The following DHRSX variants were observed in gnomAD, a reference collection of about 807,000 sequenced individuals.
DHRSX encodes the protein polyprenol dehydrogenase.
A neutral mutation model predicts 34.0 loss-of-function variants in DHRSX; 31 were observed. The ratio of observed to expected loss-of-function variants is 0.91; its 90% CI spans 0.69 to 1.23. DHRSX has a LOEUF of 1.23. Ranked by LOEUF, DHRSX falls within the 50% of genes most tolerant of loss-of-function variation. The pLI is 0.00. For synonymous variants in DHRSX, 201 were observed against 183.8 expected (o/e 1.09, Z -0.76); for missense variants, 414 against 428.1 (o/e 0.97, Z 0.29).
intron 3 of DHRSX, among the ~76,000 whole-genome samples, chrX:2,356,153 A>G (rs1418407361): frequency 6.6e-6 from 1 of 152,090 alleles, no homozygotes. Flanking sequence ...AGGCAGGCAG[A>G]TCAACTGAAG....
chrX:2,236,100 A>G (rs1191652525), intron 6 of DHRSX, among the ~76,000 whole-genome samples: 2 of 152,010 alleles, frequency 1.3e-5, no homozygotes, highest in African/African-American at 4.8e-5. Context: ...TGACAGGGTG[A>G]GACTCCGTCT....
intron 6 of DHRSX, among the ~76,000 whole-genome samples, chrX:2,232,149 C>G (rs1273798879): frequency 6.6e-6 from 1 of 151,344 alleles, no homozygotes; most frequent in East Asian, 1.9e-4. Flanking sequence ...TCTTTCTCCT[C>G]CTCTCTCTCT....
chrX:2,277,063 TA>T (rs199513621), intron 4 of DHRSX, among the ~76,000 whole-genome samples: 9 of 34,822 alleles, frequency 2.6e-4, no homozygotes, highest in African/African-American at 2.5e-3. Context: ...AGGGAGGAAA[TA>T]GGGGGAAAGA....
chrX:2,382,754 TATCATCATCATCATC>T (rs1485735847), intron 3 of DHRSX, among the ~76,000 whole-genome samples: 1 of 26,770 alleles, frequency 3.7e-5, no homozygotes, highest in South Asian at 1.2e-3. Context: ...TCATCATCAC[TATCATCATCATCATC>T]ATCACCATCA....
At chrX:2,221,606 ATATT>A (rs2015521293) in intron 6 of DHRSX, among the ~76,000 whole-genome samples, 1 of 152,192 alleles carries the variant, frequency 6.6e-6, no homozygotes, top group Non-Finnish European at 1.5e-5. Context: ...TTAATAAACA[ATATT>A]TAGCAATTAG....
chrX:2,372,983 G>A (rs1298521593), intron 3 of DHRSX, among the ~76,000 whole-genome samples: 1 of 152,152 alleles, frequency 6.6e-6, no homozygotes, highest in East Asian at 1.9e-4. Context: ...TTCTCACGCT[G>A]CTGATAGACA....
rs2042078598 is a variant in DHRSX at position 2,304,599 on chromosome X, G to A, written c.287-12996C>T. Among the ~76,000 whole-genome samples, 4 of 151,930 alleles carry A rather than the reference G, an allele frequency of 2.6e-5. No individual in the cohort carries two copies. The South Asian group carries it at 8.3e-4, about 32-fold the overall frequency. ...TTGAAAAGTGTGTAGCATCTCCCCA[G>A]CCCACCCCAACTGCACCTCTGTCTC... On this transcript the variant is annotated intron_variant, in intron 3 of 6. Coordinates refer to ENST00000334651, the MANE Select transcript of DHRSX (RefSeq NM_145177.3).
At chrX:2,317,248 G>A (rs1016880443) in intron 3 of DHRSX, among the ~76,000 whole-genome samples, 6 of 72,112 alleles carry the variant, frequency 8.3e-5, no homozygotes, top group South Asian at 3.8e-4. Context: ...GTGAGCCACC[G>A]CGCCTGGCTT....
At chrX:2,246,748 G>GAAAGAAAGGAAGAA (rs776138629) in intron 5 of DHRSX, among the ~76,000 whole-genome samples, 1 of 103,778 alleles carries the variant, frequency 9.6e-6, no homozygotes, top group Non-Finnish European at 2.3e-5. Flanking sequence ...AAGAAAGAAA[G>GAAAGAAAGGAAGAA]AAAAAGAAAG....
chrX:2,317,685 TTTGA>T (rs964405187), intron 3 of DHRSX, among the ~76,000 whole-genome samples: 54 of 152,206 alleles, frequency 3.5e-4, no homozygotes, highest in South Asian at 6.2e-4. Context: ...CTTGTGAGTC[TTTGA>T]TTGGCACTCT....
At chrX:2,345,601 C>T (rs772425299) in intron 3 of DHRSX, among the ~76,000 whole-genome samples, 28 of 147,876 alleles carry the variant, frequency 1.9e-4, no homozygotes, top group South Asian at 4.3e-4. Context: ...GAGCCAAGAT[C>T]GCACCGAGAT....
At chrX:2,478,736 G>A (rs1232955181) in intron 1 of DHRSX, among the ~76,000 whole-genome samples, 2 of 151,400 alleles carry the variant, frequency 1.3e-5, no homozygotes, top group Non-Finnish European at 2.9e-5. Flanking sequence ...GACTGAAGAC[G>A]TTCCCCAAGC....
At position 2,458,631 on chromosome X, in the gene DHRSX, G is replaced by A. The variant is rs6641748; in HGVS notation, c.110-33327C>T. 8.3e-3 allele frequency among the ~76,000 whole-genome samples: 1,260 copies of A among 151,976 alleles called. 37 individuals are homozygous for A. Among genetic ancestry groups the A allele is most frequent in the East Asian group, 0.076 (396 of 5,182 alleles). ...TAGGTAGAATCTAAAAAAGCTGAACGCATAAACGCAGAGAGTGCAATGGTG... is the reference window on the plus strand; with the variant it reads ...TAGGTAGAATCTAAAAAAGCTGAACACATAAACGCAGAGAGTGCAATGGTG... On this transcript the variant is annotated intron_variant, in intron 1 of 6. Transcript: ENST00000334651.
intron 6 of DHRSX, among the ~76,000 whole-genome samples, chrX:2,226,542 T>C (rs990544998): frequency 1.3e-5 from 2 of 152,124 alleles, no homozygotes; most frequent in Non-Finnish European, 2.9e-5. Flanking sequence ...AGCTCACGCC[T>C]GTCACCCCAG....
chrX:2,382,484 C>T (rs1284692747), intron 3 of DHRSX, among the ~76,000 whole-genome samples: 1 of 151,698 alleles, frequency 6.6e-6, no homozygotes, highest in Non-Finnish European at 1.5e-5. Flanking sequence ...ACATCATAGC[C>T]ACCACCATCA....
At chrX:2,327,731 G>A (rs1414458109) in intron 3 of DHRSX, among the ~76,000 whole-genome samples, 4 of 152,104 alleles carry the variant, frequency 2.6e-5, no homozygotes, top group African/African-American at 4.8e-5. Context: ...GGTGATTAAG[G>A]TAAAACAAAG....
At chrX:2,226,849 G>A (rs950673495) in intron 6 of DHRSX, among the ~76,000 whole-genome samples, 3 of 151,966 alleles carry the variant, frequency 2.0e-5, no homozygotes, top group Admixed American at 6.6e-5. Flanking sequence ...ACGGTTTCTC[G>A]TGTTAGGGCA....
intron 1 of DHRSX, among the ~76,000 whole-genome samples, chrX:2,430,154 C>T (rs1475225280): frequency 6.6e-6 from 1 of 150,718 alleles, no homozygotes; most frequent in Admixed American, 6.6e-5. Flanking sequence ...GGATGTCATG[C>T]CACATGGTTT....
chrX:2,447,371 C>G (rs755083660), intron 1 of DHRSX, among the ~76,000 whole-genome samples: 1 of 152,138 alleles, frequency 6.6e-6, no homozygotes, highest in East Asian at 1.9e-4. Flanking sequence ...AGCATGTGAC[C>G]AAGGGACCAA....
Sources: gnomAD v4.1 joint callset for allele counts (sites outside exome capture counted in the v4.1 genomes callset) on GRCh38, gnomAD v4.1.1 for gene constraint, MANE v1.5 for transcripts, NCBI Gene and HGNC (gene_info 2026-07-23, HGNC 2026-07-21) for gene names.